Variants in SYMPK observed in about 807,000 individuals in gnomAD.
The protein encoded by SYMPK is symplekin scaffold protein.
Under a neutral mutation model 136.4 loss-of-function variants are expected in SYMPK, and 49 were observed. That is an observed-to-expected ratio of 0.36 (90% CI 0.29 to 0.46). The LOEUF (loss-of-function observed/expected upper bound fraction) is 0.46. SYMPK is among the 20% of genes least tolerant of loss of function. The pLI, the probability that SYMPK is intolerant of heterozygous loss-of-function variation, is 1.00. For missense variants in SYMPK, 1,365 were observed against 1,690.0 expected (o/e 0.81, Z 3.37); for synonymous variants, 766 against 713.0 (o/e 1.07, Z -1.19).
intron 25 of SYMPK, 81 bp from the exon 26 acceptor site, chr19:45,816,264 G>A: frequency 8.4e-7 from 1 of 1,187,962 alleles, no homozygotes; most frequent in Non-Finnish European, 1.1e-6. Flanking sequence ...CCACCCTGAG[G>A]TGGTCTTTGA....
chr19:45,833,054 G>A (rs534366273), intron 11 of SYMPK, among the ~76,000 whole-genome samples: 2 of 147,448 alleles, frequency 1.4e-5, no homozygotes, highest in East Asian at 4.0e-4. Context: ...CAAAAAATTA[G>A]CTGGGAATGG....
At chr19:45,842,732 A>C in intron 8 of SYMPK, 1 of 504,242 alleles carries the variant, frequency 2.0e-6, no homozygotes, top group Non-Finnish European at 3.5e-6. Flanking sequence ...AAATACATAC[A>C]ATTTCGTCCT....
In SYMPK at chr19:45,826,813, G is replaced by A. The variant is rs146580764; in HGVS notation, c.2182-440C>T. 4.4e-3 allele frequency among the ~76,000 whole-genome samples: 663 copies of A among 152,356 alleles called. 1 individual carries two copies. The highest frequency in any genetic ancestry group is 0.017 in the South Asian group (80 of 4,828). ...GCACATGGCCATGGCCAGGGCCAGG[G>A]CCAGGGGTGTGAGATGAAGGTCTGC... On this transcript the variant is annotated intron_variant, in intron 16 of 26. Coordinates refer to ENST00000245934, the MANE Select transcript of SYMPK (RefSeq NM_004819.3).
Position 45,831,560 on chromosome 19 carries a change from C to A in SYMPK, c.1422G>T (p.Glu474Asp), listed in dbSNP as rs1971175194. The A allele has an allele frequency of 6.2e-7, 1 of 1,609,414 alleles. No individual in the cohort carries two copies. Among genetic ancestry groups the A allele is most frequent in the African/African-American group, 1.3e-5 (1 of 74,732 alleles). Residue 474 changes from glutamate to aspartate, a missense_variant, in exon 12 of 27, where the codon GAG (glutamate) becomes GAT (aspartate). Physicochemically the swap from Glu to Asp is conservative, Grantham distance 45 (BLOSUM62 2). Transcript: ENST00000245934. ...TCACCACCTTCTCCTCCTTGGGCTC[C>A]TCCTTGCACTGTTTGGTCTGCTCTA... ...PGVEQTKQCK[E>D]EPKEEKVVKT...
intron 14 of SYMPK, 104 bp from the exon 15 acceptor site, chr19:45,828,022 G>A: frequency 2.9e-6 from 3 of 1,020,458 alleles, no homozygotes; most frequent in Non-Finnish European, 4.6e-6. Flanking sequence ...CCTCCCTCAG[G>A]GGCTGCTTGT....
chr19:45,825,590 AT>A (rs1971024391), intron 17 of SYMPK, among the ~76,000 whole-genome samples: 2 of 152,122 alleles, frequency 1.3e-5, no homozygotes, highest in African/African-American at 4.8e-5. Flanking sequence ...TCTGGCTCCA[AT>A]CCCAGCCATG....
chr19:45,826,212 G>C lies in SYMPK; in HGVS notation c.2329+14C>G. Reference sequence around the variant, plus strand: ...CAGCAGCGCTCAGTATGCATCTGATGACCTGTGCCCAACCTGTGTCCTTGT... The same window carrying C: ...CAGCAGCGCTCAGTATGCATCTGATCACCTGTGCCCAACCTGTGTCCTTGT... On this transcript the variant is annotated intron_variant, in intron 17 of 26. Transcript: ENST00000245934. 6.2e-7 allele frequency: 1 copy of C among 1,607,646 alleles called. No individual in the cohort carries two copies. The highest frequency in any genetic ancestry group is 8.5e-7 in the Non-Finnish European group (1 of 1,176,760).
chr19:45,848,903 G>C (rs1326260538), intron 5 of SYMPK, 27 bp from the exon 6 acceptor site: 5 of 1,613,384 alleles, frequency 3.1e-6, no homozygotes, highest in Non-Finnish European at 4.2e-6. Context: ...AAAGGGGCGA[G>C]GTCAAGGTGT....
intron 10 of SYMPK, among the ~76,000 whole-genome samples, chr19:45,837,481 G>C (rs1043754126): frequency 6.6e-6 from 1 of 151,742 alleles, no homozygotes; most frequent in African/African-American, 2.4e-5. Flanking sequence ...GCTGGGTGCA[G>C]TGGTGGGCGC....
intron 1 of SYMPK, among the ~76,000 whole-genome samples, chr19:45,860,991 T>C (rs779357236): frequency 4.6e-5 from 7 of 152,242 alleles, no homozygotes; most frequent in Admixed American, 2.0e-4. Context: ...TATGCTACAG[T>C]ACTGTTTATC....
At chr19:45,835,292 C>A (rs938797996) in intron 10 of SYMPK, 64 bp from the exon 11 acceptor site, 2 of 1,484,976 alleles carry the variant, frequency 1.3e-6, no homozygotes, top group Admixed American at 4.2e-5. Flanking sequence ...TCTTTCCATG[C>A]CCATGCCAAT....
intron 20 of SYMPK, among the ~76,000 whole-genome samples, chr19:45,823,115 G>C (rs556834549): frequency 4.6e-5 from 7 of 152,190 alleles, no homozygotes; most frequent in African/African-American, 1.4e-4. Flanking sequence ...AGAGGGGAAG[G>C]GACCTGCTTG....
Position 45,816,508 on chromosome 19 carries a change from C to T in SYMPK, c.3328G>A (p.Glu1110Lys). The change falls in exon 25 of 27, where the codon GAG becomes AAG. Residue 1110 changes from glutamate to lysine, a missense_variant. By Grantham distance (56) the Glu-to-Lys change is moderately conservative (BLOSUM62 1). This residue lies in a region of SYMPK where 341 missense variants were observed against 270.5 expected (regional missense o/e 1.26). Coordinates refer to ENST00000245934, the MANE Select transcript of SYMPK (RefSeq NM_004819.3). ...ASGKQEPEAK[E>K]APAGPLEEDD... ...TCCTCCAAGGGCCCCGCAGGCGCCT[C>T]CTTGGCCTCTGGCTCCTGCTTGCCG... is the stretch of plus-strand genomic sequence containing the variant. 1 of 1,613,444 alleles carries T rather than the reference C, an allele frequency of 6.2e-7. No individual in the cohort carries two copies. Among genetic ancestry groups the T allele is most frequent in the Non-Finnish European group, 8.5e-7 (1 of 1,179,964 alleles).
chr19:45,860,494 C>CACGT (rs150180119), intron 1 of SYMPK, among the ~76,000 whole-genome samples: 3 of 150,994 alleles, frequency 2.0e-5, no homozygotes, highest in Non-Finnish European at 2.9e-5. Flanking sequence ...CCCACACACA[C>CACGT]AGAGAGAGAA....
chr19:45,848,946 C>T (rs1797818073), intron 5 of SYMPK, 70 bp from the exon 6 acceptor site: 1 of 1,585,556 alleles, frequency 6.3e-7, no homozygotes, highest in East Asian at 2.2e-5. Context: ...GCCTGAGGTC[C>T]AGGAGGGAAG....
At chr19:45,849,757 C>G (rs1971652089) in intron 5 of SYMPK, among the ~76,000 whole-genome samples, 1 of 152,068 alleles carries the variant, frequency 6.6e-6, no homozygotes, top group Non-Finnish European at 1.5e-5. Flanking sequence ...GTTAAAATCC[C>G]AGCCTTGGCC....
intron 1 of SYMPK, among the ~76,000 whole-genome samples, chr19:45,859,765 G>A (rs1971917271): frequency 1.3e-5 from 2 of 151,808 alleles, no homozygotes; most frequent in South Asian, 4.2e-4. Context: ...AAGAAGGCCA[G>A]GTGCAGGGGT....
In SYMPK at chr19:45,823,442, A is replaced by G; in HGVS notation, c.2630T>C (p.Val877Ala). ...CAGTCGCTTGTGGTAGAGATCCCGG[A>G]CCCGCTTCACCAGCTCTGGGGAGGG... ...VPPSPELVKR[V>A]RDLYHKRLPD... Residue 877 changes from valine to alanine, a missense_variant, in exon 20 of 27, where the codon GTC (valine) becomes GCC (alanine). This residue lies in a region of SYMPK where 92 missense variants were observed against 198.6 expected (regional missense o/e 0.46). Transcript: ENST00000245934. 2 of 1,613,886 alleles carry G rather than the reference A, an allele frequency of 1.2e-6. No individual in the cohort carries two copies. Among genetic ancestry groups the G allele is most frequent in the Non-Finnish European group, 1.7e-6 (2 of 1,179,998 alleles).
intron 3 of SYMPK, among the ~76,000 whole-genome samples, chr19:45,853,185 T>C (rs1971735943): frequency 6.6e-6 from 1 of 152,186 alleles, no homozygotes; most frequent in African/African-American, 2.4e-5. Flanking sequence ...TCCACAAGGC[T>C]ACAGGCTGAT....
Sources: allele counts gnomAD v4.1 joint callset (sites outside exome capture counted in the v4.1 genomes callset), GRCh38; gene constraint gnomAD v4.1.1; regional missense constraint gnomAD v4.1.1; transcripts MANE v1.5; gene names NCBI Gene and HGNC (gene_info 2026-07-23, HGNC 2026-07-21).